ASH1L: variants seen among roughly 807,000 people sequenced by gnomAD.
ASH1L encodes ASH1 like histone lysine methyltransferase.
Under a neutral mutation model 269.0 loss-of-function variants are expected in ASH1L, and 23 were observed. That is an observed-to-expected ratio of 0.09 (90% CI 0.06 to 0.12). The LOEUF is 0.12. ASH1L is among the 10% of genes least tolerant of loss of function. The pLI is 1.00. For missense variants in ASH1L, 2,912 were observed against 3,567.8 expected (o/e 0.82, Z 4.68); for synonymous variants, 1,187 against 1,253.5 (o/e 0.95, Z 1.12).
At position 155,337,798 on chromosome 1, in the gene ASH1L, C is replaced by T. The variant is rs1156570506; in HGVS notation, c.8804-47G>A. On this transcript the variant is annotated intron_variant, in intron 27 of 27. Transcript: ENST00000392403. ...CTCATCAAAATACCAATCTCCTACTCCTTATTCCAGATTTGAGCTCTAAGG... is the reference window on the plus strand; with the variant it reads ...CTCATCAAAATACCAATCTCCTACTTCTTATTCCAGATTTGAGCTCTAAGG... 2.6e-6 allele frequency: 4 copies of T among 1,530,812 alleles called. No homozygotes were observed. The Admixed American group carries it at 5.0e-5, about 19-fold the overall frequency. 94.8% of individuals were successfully genotyped at this position (1,530,812 alleles called of 1,614,324 possible).
intron 2 of ASH1L, among the ~76,000 whole-genome samples, chr1:155,502,071 C>CTTTTTTTTTTTTTT (rs769262562): frequency 1.6e-5 from 2 of 126,426 alleles, no homozygotes; most frequent in Non-Finnish European, 1.7e-5. Flanking sequence ...CTTTTCTTTT[C>CTTTTTTTTTTTTTT]TTTTTTTTTT....
chr1:155,505,539 T>C (rs1426611363), intron 2 of ASH1L, among the ~76,000 whole-genome samples: 2 of 152,156 alleles, frequency 1.3e-5, no homozygotes, highest in East Asian at 3.8e-4. Context: ...AAAATATTAG[T>C]CCTTTTGATC....
intron 3 of ASH1L, among the ~76,000 whole-genome samples, chr1:155,476,863 GTTT>G (rs1279701303): frequency 6.6e-6 from 1 of 151,748 alleles, no homozygotes; most frequent in East Asian, 1.9e-4. Context: ...TAATGCACAA[GTTT>G]TTAATCTTTT....
rs1438021304 is a variant in ASH1L, at chr1:155,434,315, A to G, written c.5828+4012T>C. ...CAGGGGGAGGGGAGGAGCTAGGGAA[A>G]GAGAACCTGGAGTTTGTGCCAGGGC... On this transcript the variant is annotated intron_variant, in intron 5 of 27. Coordinates refer to ENST00000392403, the MANE Select transcript of ASH1L (RefSeq NM_018489.3). 3.2e-6 allele frequency: 5 copies of G among 1,559,682 alleles called. No individual in the cohort carries two copies. In the African/African-American group the frequency reaches 4.1e-5, roughly 13 times the overall value.
chr1:155,392,775 T>C (rs896343122), intron 7 of ASH1L, among the ~76,000 whole-genome samples: 1 of 151,784 alleles, frequency 6.6e-6, no homozygotes, highest in Non-Finnish European at 1.5e-5. Context: ...AGGTGGATAA[T>C]TGTTATTCCC....
chr1:155,466,234 G>C (rs1570899681), intron 3 of ASH1L, among the ~76,000 whole-genome samples: 1 of 151,980 alleles, frequency 6.6e-6, no homozygotes, highest in Admixed American at 6.6e-5. Flanking sequence ...GGCACCTGTA[G>C]TCCCAGCTAC....
chr1:155,523,794 C>G (rs1180380677), intron 1 of ASH1L, among the ~76,000 whole-genome samples: 1 of 152,088 alleles, frequency 6.6e-6, no homozygotes, highest in East Asian at 1.9e-4. Flanking sequence ...TCACTTGAAC[C>G]TGGCAGGCGG....
chr1:155,560,224 C>G (rs1384607139), intron 1 of ASH1L, among the ~76,000 whole-genome samples: 2 of 152,128 alleles, frequency 1.3e-5, no homozygotes, highest in Non-Finnish European at 2.9e-5. Flanking sequence ...ATATATAAAT[C>G]ATGTGATTGT....
intron 21 of ASH1L, 173 bp downstream of exon 21, chr1:155,346,210 G>A: frequency 2.0e-6 from 3 of 1,531,092 alleles, no homozygotes; most frequent in Admixed American, 2.0e-5. Context: ...TCATACTCCT[G>A]AAATAGGGAA....
chr1:155,476,224 G>A (rs1416046723), intron 3 of ASH1L, among the ~76,000 whole-genome samples: 3 of 151,928 alleles, frequency 2.0e-5, no homozygotes, highest in Admixed American at 2.0e-4. Context: ...GTCTCTACTA[G>A]AAATATAAAA....
intron 2 of ASH1L, among the ~76,000 whole-genome samples, chr1:155,518,011 G>T (rs1392271422): frequency 4.0e-5 from 6 of 151,378 alleles, no homozygotes; most frequent in Admixed American, 1.3e-4. Context: ...CGTTTTAGCC[G>T]GGATGGTCTC....
At chr1:155,560,400 T>A (rs1471130560) in intron 1 of ASH1L, among the ~76,000 whole-genome samples, 4 of 152,202 alleles carry the variant, frequency 2.6e-5, no homozygotes, top group Non-Finnish European at 5.9e-5. Context: ...TCTTTCTTCA[T>A]ATTCATAGAG....
rs964850317 is a variant in ASH1L, at chr1:155,335,307, G to A, written c.*2353C>T. ...TTCCATTTAATACTAGACTTTCAAG[G>A]ATTGAGATGCAAGCTTTGTATGCAA... On this transcript the variant is annotated 3_prime_UTR_variant, in exon 28 of 28. Coordinates refer to ENST00000392403, the MANE Select transcript of ASH1L (RefSeq NM_018489.3). 6.5e-6 allele frequency: 1 copy of A among 152,758 alleles called. No individual in the cohort carries two copies. The highest frequency in any genetic ancestry group is 1.5e-5 in the Non-Finnish European group (1 of 68,044). 9.5% of individuals were successfully genotyped at this position (152,758 alleles called of 1,614,324 possible).
chr1:155,406,462 T>C (rs1659301889), intron 6 of ASH1L, among the ~76,000 whole-genome samples: 1 of 152,266 alleles, frequency 6.6e-6, no homozygotes, highest in African/African-American at 2.4e-5. Context: ...CCTAGCACTT[T>C]GGGAAGCCAA....
Position 155,438,356 on chromosome 1 carries a change from T to C in ASH1L, c.5799A>G (p.Pro1933=), listed in dbSNP as rs759797815. The stretch of plus-strand genomic sequence containing the variant: ...TATTATTCTCTTGCTCTTCTTCCTC[T>C]GGTAATGGCTTCTGCTTTTTTCTGG... ...EQTRKKQKPL[P]EEEEQENNKS... Residue 1933 remains proline (P), a synonymous_variant, in exon 5 of 28, where the codon CCA becomes CCG. Transcript: ENST00000392403. 1 of 1,577,628 alleles carries C rather than the reference T, an allele frequency of 6.3e-7. No homozygotes were observed. The highest frequency in any genetic ancestry group is 8.6e-7 in the Non-Finnish European group (1 of 1,166,124).
intron 10 of ASH1L, among the ~76,000 whole-genome samples, chr1:155,374,755 G>C (rs937247550): frequency 6.6e-6 from 1 of 152,038 alleles, no homozygotes; most frequent in Non-Finnish European, 1.5e-5. Context: ...TTTCTAGAGA[G>C]CTGATCTATA....
intron 12 of ASH1L, 135 bp from the exon 13 acceptor site, chr1:155,360,544 A>G (rs1654856250): frequency 5.2e-6 from 3 of 574,780 alleles, no homozygotes; most frequent in Non-Finnish European, 6.2e-6. Flanking sequence ...CCCGGATTCA[A>G]GCGATTCTCC....
chr1:155,518,607 A>C (rs1382329536), intron 2 of ASH1L, among the ~76,000 whole-genome samples: 1 of 147,120 alleles, frequency 6.8e-6, no homozygotes, highest in East Asian at 2.1e-4. Context: ...CAATAAGCAC[A>C]TGAAAAATTG....
chr1:155,477,201 T>C (rs1254775819), intron 3 of ASH1L, among the ~76,000 whole-genome samples: 1 of 152,224 alleles, frequency 6.6e-6, no homozygotes, highest in African/African-American at 2.4e-5. Flanking sequence ...ATCTTCTCAA[T>C]TCTTAAAAGG....
Sources: allele counts gnomAD v4.1 joint callset (sites outside exome capture counted in the v4.1 genomes callset), GRCh38; gene constraint gnomAD v4.1.1; transcripts MANE v1.5; gene names NCBI Gene and HGNC (gene_info 2026-07-23, HGNC 2026-07-21).